Variants in PTPN12 observed in about 807,000 individuals in gnomAD.
PTPN12 encodes the protein protein tyrosine phosphatase non-receptor type 12.
A neutral mutation model predicts 97.6 loss-of-function variants in PTPN12; 29 were observed. The observed-to-expected ratio is 0.30, with a 90% CI of 0.22 to 0.41. The LOEUF (loss-of-function observed/expected upper bound fraction) is 0.41, where lower values mean the gene tolerates loss of function less well. Among genes scored for constraint, PTPN12 ranks in the 10% least tolerant of loss-of-function variants. PTPN12 has a pLI of 1.00. For synonymous variants in PTPN12, 327 were observed against 300.4 expected, an observed-to-expected ratio of 1.09 and a Z score of -0.91; for missense variants, 819 against 926.0, an observed-to-expected ratio of 0.88 and a Z score of 1.50.
At chr7:77,620,934 C>A (rs887776825) in intron 12 of PTPN12, among the ~76,000 whole-genome samples, 1 of 151,072 alleles carries the variant, frequency 6.6e-6, no homozygotes, top group Admixed American at 6.6e-5. Context: ...GGTGAAAAAG[C>A]GAGACTTTGT....
chr7:77,608,283 A>C (rs763270511), intron 9 of PTPN12, among the ~76,000 whole-genome samples: 3 of 152,224 alleles, frequency 2.0e-5, no homozygotes, highest in Non-Finnish European at 4.4e-5. Flanking sequence ...GTAGTAATGC[A>C]TAAGAATTAA....
intron 6 of PTPN12, among the ~76,000 whole-genome samples, chr7:77,594,923 G>T (rs1015199502): frequency 1.1e-4 from 17 of 152,250 alleles, no homozygotes; most frequent in African/African-American, 3.9e-4. Context: ...GTCAGGAATA[G>T]TAAACAATTT....
In PTPN12 at chr7:77,627,244, G is replaced by T. The variant is rs537562368; in HGVS notation, c.1565G>T (p.Arg522Met). The change falls in exon 13 of 18, where the codon AGG becomes ATG. Residue 522 changes from arginine to methionine, a missense_variant. Physicochemically the swap from Arg to Met is moderately conservative, Grantham distance 91. Coordinates refer to ENST00000248594, the MANE Select transcript of PTPN12 (RefSeq NM_002835.4). ...TCCCAGAATTCAGACACACCTCCAA[G>T]GCCAGACCGCTTGCCTCTTGATGAG... ...EESQNSDTPP[R>M]PDRLPLDEKG... 30 of 1,614,048 alleles carry T rather than the reference G, an allele frequency of 1.9e-5. No homozygotes were observed. Among genetic ancestry groups the T allele is most frequent in the Non-Finnish European group, 2.5e-5 (30 of 1,180,026 alleles).
At chr7:77,622,616 A>C (rs934293756) in intron 12 of PTPN12, among the ~76,000 whole-genome samples, 1 of 151,848 alleles carries the variant, frequency 6.6e-6, no homozygotes, top group Non-Finnish European at 1.5e-5. Context: ...AAAAATACAA[A>C]AAAAATTAGC....
chr7:77,626,107 G>A (rs918380452), intron 12 of PTPN12, among the ~76,000 whole-genome samples: 1 of 152,274 alleles, frequency 6.6e-6, no homozygotes, highest in Admixed American at 6.5e-5. Flanking sequence ...TCATTATTGA[G>A]AGGAGGTATA....
intron 2 of PTPN12, among the ~76,000 whole-genome samples, chr7:77,572,778 T>C (rs1222599384): frequency 6.6e-6 from 1 of 152,116 alleles, no homozygotes; most frequent in Non-Finnish European, 1.5e-5. Flanking sequence ...TAGGTTAATA[T>C]TAAATGCTTA....
intron 8 of PTPN12, chr7:77,601,101 A>G (rs1039948293): frequency 1.3e-5 from 3 of 227,574 alleles, no homozygotes; most frequent in South Asian, 2.4e-4. Flanking sequence ...GATCCTCATC[A>G]TACTCTACTT....
At chr7:77,546,896 C>T (rs527726693) in intron 1 of PTPN12, among the ~76,000 whole-genome samples, 1 of 152,218 alleles carries the variant, frequency 6.6e-6, no homozygotes, top group Admixed American at 6.5e-5. Context: ...AACTCACTAT[C>T]AGGAGAATAG....
chr7:77,618,571 G>A lies in PTPN12; in HGVS notation c.1025+6G>A, dbSNP rs1047635355. 5.7e-5 allele frequency: 89 copies of A among 1,574,972 alleles called. No homozygotes were observed. The highest frequency in any genetic ancestry group is 7.7e-5 in the Non-Finnish European group (88 of 1,147,146). ...AAACCACCAAGGACCCGCAGGTATT[G>A]TATGTCTTCGAACATTTTCTTTAAA... On this transcript the variant is annotated splice_donor_region_variant and intron_variant, in intron 12 of 17. Transcript: ENST00000248594.
At position 77,603,883 on chromosome 7, in the gene PTPN12, CTTTTT is replaced by C. The variant is rs773037726; in HGVS notation, c.695+3096_695+3100del. Among the ~76,000 whole-genome samples the C allele has an allele frequency of 9.6e-3, 842 of 87,820 alleles. 2 individuals are homozygous for C. The highest frequency in any genetic ancestry group is 0.014 in the Non-Finnish European group (678 of 48,056). 57.6% of individuals were successfully genotyped at this position (87,820 alleles called of 152,430 possible). On this transcript the variant is annotated intron_variant, in intron 8 of 17. Coordinates refer to ENST00000248594, the MANE Select transcript of PTPN12 (RefSeq NM_002835.4). ...ATACTGTGTGTTATCTTTTTGTTTG[CTTTTT>C]TTTTTTTTTTTTTTTTTTGAGACAG... is the stretch of plus-strand genomic sequence containing the variant.
At chr7:77,624,974 A>C (rs540740506) in intron 12 of PTPN12, among the ~76,000 whole-genome samples, 21 of 151,902 alleles carry the variant, frequency 1.4e-4, no homozygotes, top group Admixed American at 1.4e-3. Flanking sequence ...ATCTCTACTA[A>C]AAATACAAAA....
chr7:77,566,871 C>A (rs1246204312), intron 1 of PTPN12, among the ~76,000 whole-genome samples: 1 of 151,792 alleles, frequency 6.6e-6, no homozygotes, highest in Non-Finnish European at 1.5e-5. Context: ...TATTTTTGCC[C>A]AGTTAATACA....
At chr7:77,549,272 A>C (rs920106711) in intron 1 of PTPN12, among the ~76,000 whole-genome samples, 3 of 152,160 alleles carry the variant, frequency 2.0e-5, no homozygotes, top group African/African-American at 7.2e-5. Context: ...ATTGAAAAAA[A>C]ATTTACTATT....
At chr7:77,624,266 CAAA>C (rs879470982) in intron 12 of PTPN12, among the ~76,000 whole-genome samples, 3 of 106,950 alleles carry the variant, frequency 2.8e-5, no homozygotes, top group Non-Finnish European at 2.0e-5. Context: ...GACCCTGTCT[CAAA>C]AAAAAAAAAA....
In PTPN12 at chr7:77,537,388, C is replaced by G; in HGVS notation, c.-159C>G. 1 of 1,087,296 alleles carries G rather than the reference C, an allele frequency of 9.2e-7. No homozygotes were observed. The allele number at this position is 1,087,296 out of a possible 1,614,324, so 67.4% of individuals were successfully genotyped here. ...GCCCAGCCGGTGCCGCCGCAGCCGC[C>G]GCCTAGGGCGGTGGGGAGGAGGAGG... On this transcript the variant is annotated 5_prime_UTR_variant, in exon 1 of 18. Coordinates refer to ENST00000248594, the MANE Select transcript of PTPN12 (RefSeq NM_002835.4).
At chr7:77,609,704 C>A (rs977250229) in intron 9 of PTPN12, among the ~76,000 whole-genome samples, 1 of 150,904 alleles carries the variant, frequency 6.6e-6, no homozygotes, top group Non-Finnish European at 1.5e-5. Context: ...CACGGTGAAA[C>A]CCTGTCTCTA....
At position 77,620,765 on chromosome 7, in the gene PTPN12, T is replaced by A. The variant is rs566205337; in HGVS notation, c.1025+2200T>A. Among the ~76,000 whole-genome samples the A allele has an allele frequency of 2.0e-5, 3 of 152,112 alleles. No homozygotes were observed. In the South Asian group the frequency reaches 6.2e-4, roughly 32 times the overall value. ...GAGTTTAAGACCAGCCTGATCAATA[T>A]GGTGAAACCCCGTCTCTACTAAAAA... On this transcript the variant is annotated intron_variant, in intron 12 of 17. Coordinates refer to ENST00000248594, the MANE Select transcript of PTPN12 (RefSeq NM_002835.4).
At chr7:77,589,783 A>G (rs190930928) in intron 5 of PTPN12, among the ~76,000 whole-genome samples, 91 of 152,290 alleles carry the variant, frequency 6.0e-4, no homozygotes, top group African/African-American at 2.2e-3. Flanking sequence ...TCAATTGTCT[A>G]AGAGAATTTA....
chr7:77,551,518 G>T (rs937400868), intron 1 of PTPN12, among the ~76,000 whole-genome samples: 1 of 152,150 alleles, frequency 6.6e-6, no homozygotes, highest in African/African-American at 2.4e-5. Context: ...GTTAATTGCA[G>T]GTTCTCTTCA....
Sources: allele counts gnomAD v4.1 joint callset (sites outside exome capture counted in the v4.1 genomes callset), GRCh38; gene constraint gnomAD v4.1.1; transcripts MANE v1.5; gene names NCBI Gene and HGNC (gene_info 2026-07-23, HGNC 2026-07-21).